Variants in KIAA1217 observed in about 807,000 individuals in gnomAD.
The protein encoded by KIAA1217 is KIAA1217, also known as sickle tail protein homolog.
In KIAA1217, 88 loss-of-function variants were observed where a neutral mutation model predicts 163.9. The ratio of observed to expected loss-of-function variants is 0.54; its 90% CI spans 0.45 to 0.64. The LOEUF (loss-of-function observed/expected upper bound fraction) is 0.64. Ranked by LOEUF, KIAA1217 falls within the 30% of genes least tolerant of loss-of-function variation. The pLI, the probability that KIAA1217 is intolerant of heterozygous loss-of-function variation, is 0.00. For synonymous variants in KIAA1217, 903 were observed against 923.1 expected (o/e 0.98, Z 0.39); for missense variants, 2,372 against 2,475.0 (o/e 0.96, Z 0.88).
chr10:24,532,122 G>C, intron 15 of KIAA1217, 129 bp downstream of exon 15: 1 of 786,620 alleles, frequency 1.3e-6, no homozygotes, highest in Non-Finnish European at 1.8e-6. Flanking sequence ...AAGATCCCCA[G>C]GAAGCACCAC....
intron 1 of KIAA1217, among the ~76,000 whole-genome samples, chr10:23,858,877 A>G (rs1839828980): frequency 6.6e-6 from 1 of 152,214 alleles, no homozygotes; most frequent in Admixed American, 6.5e-5. Flanking sequence ...TTGCTCTTCC[A>G]GTCTACTGTA....
intron 1 of KIAA1217, among the ~76,000 whole-genome samples, chr10:23,817,990 T>TACACAC (rs1160767519): frequency 8.6e-6 from 1 of 116,726 alleles, no homozygotes; most frequent in African/African-American, 3.7e-5. Context: ...TATATATATA[T>TACACAC]ATATATATAT....
At chr10:24,292,995 A>C (rs982014925) in intron 2 of KIAA1217, among the ~76,000 whole-genome samples, 3 of 152,160 alleles carry the variant, frequency 2.0e-5, no homozygotes, top group African/African-American at 7.2e-5. Context: ...TACAAGCTGC[A>C]CTTCAAGATG....
intron 2 of KIAA1217, among the ~76,000 whole-genome samples, chr10:24,364,226 G>A (rs1010219699): frequency 1.4e-5 from 2 of 146,466 alleles, no homozygotes; most frequent in African/African-American, 4.9e-5. Flanking sequence ...TGATCCACCC[G>A]CCTCAGCCTC....
chr10:24,055,398 T>G (rs74123616), intron 2 of KIAA1217, among the ~76,000 whole-genome samples: 1 of 152,352 alleles, frequency 6.6e-6, no homozygotes, highest in African/African-American at 2.4e-5. Flanking sequence ...TTAAAATGTT[T>G]CCTACCATGT....
intron 1 of KIAA1217, among the ~76,000 whole-genome samples, chr10:23,900,990 C>T (rs761723286): frequency 1.3e-5 from 2 of 152,014 alleles, no homozygotes; most frequent in African/African-American, 2.4e-5. Flanking sequence ...ATTATTATGG[C>T]TGTTAATAAT....
At chr10:23,918,348 G>T (rs12767758) in intron 1 of KIAA1217, among the ~76,000 whole-genome samples, 1 of 152,064 alleles carries the variant, frequency 6.6e-6, no homozygotes, top group Admixed American at 6.6e-5. Context: ...AGGCTAATGA[G>T]AAATTGGCTC....
chr10:24,302,816 AG>A (rs2041532224), intron 2 of KIAA1217, among the ~76,000 whole-genome samples: 1 of 152,188 alleles, frequency 6.6e-6, no homozygotes, highest in Non-Finnish European at 1.5e-5. Context: ...ATATCTGTCT[AG>A]TGGAAGAGCC....
chr10:23,877,606 G>T (rs1840754778), intron 1 of KIAA1217: 1 of 151,892 alleles, frequency 6.6e-6, no homozygotes, highest in Middle Eastern at 3.2e-3. Flanking sequence ...ATATTTATAG[G>T]TTTCCATGGG....
In KIAA1217 at chr10:23,844,300, T is replaced by A. The variant is rs191808065; in HGVS notation, c.-321+149066T>A. The stretch of plus-strand genomic sequence containing the variant: ...ATTCTCTTTGTGAGTTTATGCCTTT[T>A]AAAAAAATCCCTTTATTTTCATTGT... On this transcript the variant is annotated intron_variant, in intron 1 of 18. Coordinates refer to the KIAA1217 transcript ENST00000376462. Among the ~76,000 whole-genome samples, 133 of 152,236 alleles carry A rather than the reference T, an allele frequency of 8.7e-4. 1 individual carries two copies. The East Asian group carries it at 0.018, about 20-fold the overall frequency.
chr10:24,327,921 G>A (rs960075067), intron 2 of KIAA1217, among the ~76,000 whole-genome samples: 1 of 152,146 alleles, frequency 6.6e-6, no homozygotes, highest in Non-Finnish European at 1.5e-5. Flanking sequence ...CCAGGCCCGG[G>A]ATTCTGGGTC....
At chr10:23,952,227 T>C (rs1404021673) in intron 1 of KIAA1217, among the ~76,000 whole-genome samples, 1 of 152,248 alleles carries the variant, frequency 6.6e-6, no homozygotes, top group African/African-American at 2.4e-5. Context: ...CTTTGCCTTC[T>C]TCGGGAGACT....
At chr10:24,000,435 G>T (rs141632193) in intron 1 of KIAA1217, among the ~76,000 whole-genome samples, 15 of 152,278 alleles carry the variant, frequency 9.9e-5, no homozygotes, top group African/African-American at 3.6e-4. Context: ...GGTTTGCTTC[G>T]CCTTCTGCCA....
At chr10:24,219,177 G>A (rs935864453) in intron 1 of KIAA1217, among the ~76,000 whole-genome samples, 8 of 152,096 alleles carry the variant, frequency 5.3e-5, no homozygotes, top group African/African-American at 1.4e-4. Flanking sequence ...GCAGTGGCAC[G>A]ATCATAGCTC....
intron 1 of KIAA1217, among the ~76,000 whole-genome samples, chr10:23,743,620 T>C (rs12413306): frequency 0.064 from 9,805 of 152,274 alleles, 591 homozygotes; most frequent in African/African-American, 0.15. Flanking sequence ...CGCTGCTATG[T>C]TGAGAGAAAT....
intron 17 of KIAA1217, among the ~76,000 whole-genome samples, chr10:24,540,761 A>G (rs574678700): frequency 6.2e-4 from 95 of 152,236 alleles, no homozygotes; most frequent in African/African-American, 2.2e-3. Flanking sequence ...AAATTCATTT[A>G]CATATATATA....
intron 1 of KIAA1217, among the ~76,000 whole-genome samples, chr10:23,776,219 TGA>T (rs1326650698): frequency 6.6e-6 from 1 of 152,138 alleles, no homozygotes; most frequent in African/African-American, 2.4e-5. Context: ...AACCAAAGGA[TGA>T]GTCTGATCCC....
At chr10:23,744,077 G>A (rs1390340853) in intron 1 of KIAA1217, among the ~76,000 whole-genome samples, 2 of 152,078 alleles carry the variant, frequency 1.3e-5, no homozygotes, top group Non-Finnish European at 1.5e-5. Flanking sequence ...CCACAAAGAC[G>A]AGACCACTTA....
rs58288361 is a variant in KIAA1217 at position 23,869,124 on chromosome 10, GTTTTTTTTTTTTTT to G, written c.-320-138084_-320-138071del. Among the ~76,000 whole-genome samples the G allele has an allele frequency of 9.5e-4, 30 of 31,726 alleles. 1 individual carries two copies. Among genetic ancestry groups the G allele is most frequent in the South Asian group, 4.9e-3 (5 of 1,024 alleles). The allele number at this position is 31,726 out of a possible 152,430, so 20.8% of individuals were successfully genotyped here. On this transcript the variant is annotated intron_variant, in intron 1 of 18. Transcript: ENST00000376462. ...GTGTAACGTGCAATCATGAAATGTA[GTTTTTTTTTTTTTT>G]TTTTTTTTTTTTTTTTGCATAAGTA...
Sources: gnomAD v4.1 joint callset for allele counts (sites outside exome capture counted in the v4.1 genomes callset) on GRCh38, gnomAD v4.1.1 for gene constraint, MANE v1.5 for transcripts, NCBI Gene and HGNC (gene_info 2026-07-23, HGNC 2026-07-21) for gene names.